NLRC5: variants seen among roughly 807,000 people sequenced by gnomAD.
NLRC5 encodes protein NLRC5.
NLRC5 carries 114 observed loss-of-function variants against 206.9 expected under a neutral mutation model. That is an observed-to-expected ratio of 0.55 (90% CI 0.47 to 0.64). The LOEUF (loss-of-function observed/expected upper bound fraction) is 0.64, where lower values mean the gene tolerates loss of function less well. NLRC5 is among the 30% of genes least tolerant of loss of function. The probability of loss-of-function intolerance (pLI) is 0.00; values close to 1 mark genes in which losing one functional copy is unlikely to be tolerated. For missense variants in NLRC5, 2,008 were observed against 2,305.5 expected (o/e 0.87, Z 2.64); for synonymous variants, 952 against 962.8 (o/e 0.99, Z 0.21).
chr16:57,028,001 G>C (rs533962386), intron 6 of NLRC5, 71 bp from the exon 7 acceptor site: 1 of 1,017,766 alleles, frequency 9.8e-7, no homozygotes, highest in East Asian at 2.4e-5. Flanking sequence ...CCATCTCTCT[G>C]AGGGGATGGC....
intron 10 of NLRC5, among the ~76,000 whole-genome samples, chr16:57,031,154 T>C (rs1388996152): frequency 6.6e-6 from 1 of 152,168 alleles, no homozygotes; most frequent in Non-Finnish European, 1.5e-5. Flanking sequence ...ATTTTTATTA[T>C]ATTTCTTGTG....
intron 37 of NLRC5, among the ~76,000 whole-genome samples, chr16:57,070,120 A>T (rs1395137035): frequency 6.6e-6 from 1 of 152,114 alleles, no homozygotes; most frequent in Non-Finnish European, 1.5e-5. Flanking sequence ...TGACTCACAG[A>T]GGGGCTGTGG....
At chr16:57,022,372 T>A in intron 4 of NLRC5, 57 bp downstream of exon 4, 4 of 1,488,910 alleles carry the variant, frequency 2.7e-6, no homozygotes, top group Non-Finnish European at 3.7e-6. Flanking sequence ...AAGTCCCCAC[T>A]TCCAAGCTGG....
intron 19 of NLRC5, 87 bp from the exon 20 acceptor site, chr16:57,043,428 A>T (rs1309038488): frequency 1.0e-6 from 1 of 995,696 alleles, no homozygotes; most frequent in African/African-American, 1.6e-5. Flanking sequence ...GGAACCAGGG[A>T]TCCCTCCCCC....
At chr16:57,067,354 T>G (rs754467114) in intron 34 of NLRC5, 33 bp from the exon 35 acceptor site, 1 of 1,586,084 alleles carries the variant, frequency 6.3e-7, no homozygotes, top group South Asian at 1.1e-5. Context: ...GGACTAGATG[T>G]TCCAAAACTG....
chr16:57,063,363 G>A (rs554206280), intron 32 of NLRC5, among the ~76,000 whole-genome samples: 4 of 152,018 alleles, frequency 2.6e-5, no homozygotes, highest in East Asian at 1.9e-4. Context: ...TGATCTGCCC[G>A]TTTCGGCCTT....
At position 57,026,448 on chromosome 16, in the gene NLRC5, G is replaced by A. The variant is rs1460241976; in HGVS notation, c.1505G>A (p.Gly502Asp). Residue 502 changes from glycine (G) to aspartate (D), a missense_variant, in exon 6 of 49, where the codon GGC (glycine) becomes GAC (aspartate). Physicochemically the swap from Gly to Asp is moderately conservative, Grantham distance 94. Transcript: ENST00000688547. ...SLLTSFCVCT[G>D]PGHQQTGYAF... is the part of the protein sequence containing the mutation. ...CTGACTTCCTTCTGCGTCTGCACAGGCCCTGGGCACCAGCAGACAGGCTAT... is the reference window on the plus strand; with the variant it reads ...CTGACTTCCTTCTGCGTCTGCACAGACCCTGGGCACCAGCAGACAGGCTAT... 2 of 1,614,092 alleles carry A rather than the reference G, an allele frequency of 1.2e-6. No individual in the cohort carries two copies. The highest frequency in any genetic ancestry group is 2.2e-5 in the East Asian group (1 of 44,878).
rs2061296032 is a variant in NLRC5 at position 57,026,638 on chromosome 16, G to A, written c.1695G>A (p.Leu565=). The A allele has an allele frequency of 6.2e-7, 1 of 1,614,058 alleles. No individual in the cohort carries two copies. Among genetic ancestry groups the A allele is most frequent in the African/African-American group, 1.3e-5 (1 of 74,926 alleles). Residue 565 remains leucine, a synonymous_variant, in exon 6 of 49, where the codon CTG becomes CTA. Transcript: ENST00000688547. ...TCTCAGACCACCTCCCCACCTTCCT[G>A]GCGGGCCTGGCATCCTGCACCTGCC... ...LGLSDHLPTF[L]AGLASCTCRP...
Position 57,026,267 on chromosome 16 carries a change from A to G in NLRC5, c.1324A>G (p.Met442Val). ...LPNMTQLYMQ[M>V]VLALSPPGHL... ...CAACATGACTCAGCTCTATATGCAG[A>G]TGGTGCTCGCCCTCAGCCCCCCTGG... The change falls in exon 6 of 49, where the codon ATG (methionine) becomes GTG (valine). Residue 442 changes from methionine to valine, a missense_variant. Physicochemically the swap from Met to Val is conservative, Grantham distance 21 (BLOSUM62 1). Coordinates refer to ENST00000688547, the MANE Select transcript of NLRC5 (RefSeq NM_001384950.1). 6.2e-7 allele frequency: 1 copy of G among 1,614,016 alleles called. No individual in the cohort carries two copies. The highest frequency in any genetic ancestry group is 8.5e-7 in the Non-Finnish European group (1 of 1,180,042).
intron 3 of NLRC5, 170 bp downstream of exon 3, chr16:57,021,177 C>A: frequency 1.6e-6 from 1 of 616,062 alleles, no homozygotes; most frequent in Non-Finnish European, 2.8e-6. Context: ...GCGCCCAAAT[C>A]TGCTGGGGCC....
At chr16:57,065,076 A>G (rs1379889022) in intron 32 of NLRC5, 136 bp from the exon 33 acceptor site, 3 of 416,506 alleles carry the variant, frequency 7.2e-6, no homozygotes, top group Non-Finnish European at 1.3e-5. Context: ...ATAATTTTAT[A>G]GTTTTAAAAT....
At chr16:57,000,216 C>A (rs1340362830) in intron 1 of NLRC5, among the ~76,000 whole-genome samples, 1 of 152,140 alleles carries the variant, frequency 6.6e-6, no homozygotes, top group African/African-American at 2.4e-5. Flanking sequence ...GCAGGAGAAG[C>A]AAGGCCACCA....
chr16:57,035,752 G>A (rs1208461293), intron 13 of NLRC5, among the ~76,000 whole-genome samples: 2 of 152,220 alleles, frequency 1.3e-5, no homozygotes, highest in Non-Finnish European at 2.9e-5. Context: ...AGTTGAGGGT[G>A]GGGCCTTGAA....
rs2061221234 is a variant in NLRC5, at chr16:57,025,788, T to G, written c.845T>G (p.Leu282Arg). ...TPSELLFDLY[L>R]SPESDHDTVF... ...TCCGAGCTCCTTTTTGATCTGTACC[T>G]GAGCCCTGAATCGGACCACGACACT... Residue 282 changes from leucine to arginine, a missense_variant, in exon 6 of 49, where the codon CTG becomes CGG. By Grantham distance (102) the Leu-to-Arg change is moderately radical. Coordinates refer to ENST00000688547, the MANE Select transcript of NLRC5 (RefSeq NM_001384950.1). 1 of 1,614,118 alleles carries G rather than the reference T, an allele frequency of 6.2e-7. No individual in the cohort carries two copies. The highest frequency in any genetic ancestry group is 1.3e-5 in the African/African-American group (1 of 74,948).
chr16:57,032,526 TTAAA>T (rs1373546413), intron 11 of NLRC5, among the ~76,000 whole-genome samples: 1 of 152,156 alleles, frequency 6.6e-6, no homozygotes, highest in Non-Finnish European at 1.5e-5. Context: ...CTATTTCAAT[TTAAA>T]TAAATTAAAA....
intron 1 of NLRC5, among the ~76,000 whole-genome samples, chr16:57,001,685 T>C (rs2058277136): frequency 6.6e-6 from 1 of 152,228 alleles, no homozygotes; most frequent in Admixed American, 6.5e-5. Flanking sequence ...AGGCGTCCAG[T>C]GTGTAATCAC....
At chr16:57,052,782 G>A (rs1176430752) in intron 24 of NLRC5, 1 of 152,306 alleles carries the variant, frequency 6.6e-6, no homozygotes, top group South Asian at 2.1e-4. Context: ...CCCTGTAATA[G>A]TCCCACCCTG....
At chr16:57,081,657 C>T (rs779615092) in intron 48 of NLRC5, 47 bp downstream of exon 48, 3 of 1,524,470 alleles carry the variant, frequency 2.0e-6, no homozygotes, top group Admixed American at 1.7e-5. Context: ...GAGGCTACAC[C>T]AACCCCCAGA....
At chr16:56,994,334 C>T (rs1193059009) in intron 1 of NLRC5, among the ~76,000 whole-genome samples, 6 of 152,126 alleles carry the variant, frequency 3.9e-5, no homozygotes, top group Admixed American at 1.3e-4. Context: ...CCCTCTGCTC[C>T]GTGTGAGGCA....
Sources: allele counts gnomAD v4.1 joint callset (sites outside exome capture counted in the v4.1 genomes callset), GRCh38; gene constraint gnomAD v4.1.1; transcripts MANE v1.5; gene names NCBI Gene and HGNC (gene_info 2026-07-23, HGNC 2026-07-21).